Variants in SDK1 observed in about 807,000 individuals in gnomAD.
The protein encoded by SDK1 is sidekick cell adhesion molecule 1.
Under a neutral mutation model 245.5 loss-of-function variants are expected in SDK1, and 157 were observed. That is an observed-to-expected ratio of 0.64 (90% CI 0.56 to 0.73). SDK1 has a LOEUF of 0.73. SDK1 is among the 30% of genes least tolerant of loss of function. SDK1 has a pLI of 0.00. For synonymous variants in SDK1, 1,647 were observed against 1,278.5 expected, an observed-to-expected ratio of 1.29 and a Z score of -6.15; for missense variants, 3,583 against 3,002.3, an observed-to-expected ratio of 1.19 and a Z score of -4.52.
At chr7:3,656,440 T>C (rs1783187398) in intron 4 of SDK1, among the ~76,000 whole-genome samples, 1 of 152,236 alleles carries the variant, frequency 6.6e-6, no homozygotes, top group Admixed American at 6.5e-5. Flanking sequence ...TGACATTTTC[T>C]TCTGGAAGTC....
chr7:3,649,301 G>A (rs1240041426), intron 4 of SDK1, among the ~76,000 whole-genome samples: 1 of 151,986 alleles, frequency 6.6e-6, no homozygotes, highest in South Asian at 2.1e-4. Flanking sequence ...GTTATAATTT[G>A]TATATAACAA....
intron 1 of SDK1, among the ~76,000 whole-genome samples, chr7:3,525,510 A>G (rs1312127168): frequency 6.6e-6 from 1 of 152,100 alleles, no homozygotes; most frequent in Admixed American, 6.5e-5. Flanking sequence ...TGAACTCGGC[A>G]TCTCCCAGCA....
At chr7:3,699,284 C>T (rs1247959322) in intron 4 of SDK1, among the ~76,000 whole-genome samples, 1 of 152,062 alleles carries the variant, frequency 6.6e-6, no homozygotes, top group East Asian at 1.9e-4. Context: ...AAGAAACACC[C>T]ACAACAAGAT....
chr7:3,776,813 CT>C (rs1465814895), intron 4 of SDK1, among the ~76,000 whole-genome samples: 1 of 151,828 alleles, frequency 6.6e-6, no homozygotes, highest in African/African-American at 2.4e-5. Flanking sequence ...AGAGATTGAC[CT>C]TGGTTTTGTT....
intron 4 of SDK1, among the ~76,000 whole-genome samples, chr7:3,754,447 A>T (rs1029719987): frequency 6.6e-6 from 1 of 152,202 alleles, no homozygotes; most frequent in Non-Finnish European, 1.5e-5. Context: ...AAAATGTTAC[A>T]TTATTGTGAG....
At chr7:3,807,982 C>G (rs1344159882) in intron 4 of SDK1, among the ~76,000 whole-genome samples, 7 of 152,162 alleles carry the variant, frequency 4.6e-5, no homozygotes, top group African/African-American at 1.7e-4. Context: ...CCCATCTGAC[C>G]TGCGCATTGG....
At position 3,373,137 on chromosome 7, in the gene SDK1, G is replaced by A. The variant is rs115036736; in HGVS notation, c.298+71253G>A. ...TATAAACTGATAAGCTGAAAATATT[G>A]TAAGTTGAAAATGCATACACCTAAC... On this transcript the variant is annotated intron_variant, in intron 1 of 44. Transcript: ENST00000404826. 4.4e-3 allele frequency among the ~76,000 whole-genome samples: 673 copies of A among 152,260 alleles called. 4 individuals are homozygous for A. The highest frequency in any genetic ancestry group is 0.016 in the African/African-American group (647 of 41,550).
At chr7:3,801,453 C>T (rs1015805048) in intron 4 of SDK1, among the ~76,000 whole-genome samples, 3 of 152,134 alleles carry the variant, frequency 2.0e-5, no homozygotes, top group African/African-American at 7.2e-5. Context: ...CTCAGCTGTG[C>T]ATTCTGAGTT....
intron 1 of SDK1, among the ~76,000 whole-genome samples, chr7:3,579,518 A>G (rs1157456904): frequency 3.3e-5 from 5 of 152,358 alleles, no homozygotes; most frequent in African/African-American, 1.2e-4. Flanking sequence ...TGTTGAAGGA[A>G]AACCTCAAAA....
chr7:3,303,097 T>C (rs936365999), intron 1 of SDK1, among the ~76,000 whole-genome samples: 1 of 152,236 alleles, frequency 6.6e-6, no homozygotes, highest in African/African-American at 2.4e-5. Flanking sequence ...CTCCCTCTTA[T>C]GTTTTACTAC....
intron 4 of SDK1, among the ~76,000 whole-genome samples, chr7:3,789,047 T>C (rs1452744146): frequency 1.3e-5 from 2 of 152,224 alleles, no homozygotes; most frequent in African/African-American, 2.4e-5. Context: ...AGCTTGACCA[T>C]ATACAAGATA....
chr7:3,348,393 A>G (rs943429131), intron 1 of SDK1, among the ~76,000 whole-genome samples: 15 of 152,214 alleles, frequency 9.9e-5, no homozygotes, highest in Admixed American at 4.6e-4. Context: ...AAGGAACAAA[A>G]TCATGTCATT....
chr7:3,722,786 T>C (rs1583342652), intron 4 of SDK1, among the ~76,000 whole-genome samples: 1 of 152,182 alleles, frequency 6.6e-6, no homozygotes, highest in Non-Finnish European at 1.5e-5. Context: ...TGTCTGTTCT[T>C]AGGTCTTGCT....
intron 5 of SDK1, among the ~76,000 whole-genome samples, chr7:3,883,310 T>G (rs1306099344): frequency 6.6e-6 from 1 of 152,252 alleles, no homozygotes; most frequent in African/African-American, 2.4e-5. Flanking sequence ...CCCTTTGCTC[T>G]GTCTCAATAG....
chr7:3,604,853 C>T (rs535922898), intron 1 of SDK1, among the ~76,000 whole-genome samples: 51 of 152,028 alleles, frequency 3.4e-4, no homozygotes, highest in Non-Finnish European at 4.7e-4. Context: ...CTGCCCACCT[C>T]GGCCTCCCAA....
chr7:3,456,733 A>C (rs759876761), intron 1 of SDK1, among the ~76,000 whole-genome samples: 1 of 151,912 alleles, frequency 6.6e-6, no homozygotes, highest in African/African-American at 2.4e-5. Flanking sequence ...TTCTCACTCA[A>C]GTTGTGATTC....
chr7:3,303,841 T>G (rs1049772905), intron 1 of SDK1, among the ~76,000 whole-genome samples: 2 of 152,170 alleles, frequency 1.3e-5, no homozygotes, highest in African/African-American at 2.4e-5. Context: ...AAAATTCTGG[T>G]GCTGTTATAA....
At chr7:3,874,582 G>T (rs1192087844) in intron 5 of SDK1, among the ~76,000 whole-genome samples, 1 of 152,092 alleles carries the variant, frequency 6.6e-6, no homozygotes, top group Non-Finnish European at 1.5e-5. Flanking sequence ...CCCTTCCAGG[G>T]GTAGAACTCC....
intron 4 of SDK1, among the ~76,000 whole-genome samples, chr7:3,696,854 T>A (rs1350824787): frequency 6.6e-6 from 1 of 152,066 alleles, no homozygotes; most frequent in East Asian, 1.9e-4. Flanking sequence ...TTTATAATAC[T>A]GTAGGGTGTC....
Sources: gnomAD v4.1 joint callset for allele counts (sites outside exome capture counted in the v4.1 genomes callset) on GRCh38, gnomAD v4.1.1 for gene constraint, MANE v1.5 for transcripts, NCBI Gene and HGNC (gene_info 2026-07-23, HGNC 2026-07-21) for gene names.